Variants in NEXMIF observed in about 807,000 individuals in gnomAD.
The protein encoded by NEXMIF is XLMR protein related to neurite extension.
Under a neutral mutation model 62.1 loss-of-function variants are expected in NEXMIF, and 8 were observed. The ratio of observed to expected loss-of-function variants is 0.13; its 90% confidence interval spans 0.08 to 0.23. NEXMIF has a LOEUF of 0.23. Among genes scored for constraint, NEXMIF ranks in the 10% least tolerant of loss-of-function variants. NEXMIF has a pLI of 1.00. For synonymous variants in NEXMIF, 404 were observed against 416.6 expected (o/e 0.97, Z 0.37); for missense variants, 976 against 1,113.3 (o/e 0.88, Z 1.75).
intron 1 of NEXMIF, among the ~76,000 whole-genome samples, chrX:74,781,702 GA>G (rs892361072): frequency 3.9e-5 from 4 of 102,765 alleles, no homozygotes; most frequent in African/African-American, 1.0e-4. Context: ...GGAGGCCAGT[GA>G]TTTATGTGTA....
At chrX:74,802,692 T>A (rs766321830) in intron 1 of NEXMIF, among the ~76,000 whole-genome samples, 2 of 110,124 alleles carry the variant, frequency 1.8e-5, no homozygotes, top group South Asian at 7.9e-4. Flanking sequence ...CAGGAAAACA[T>A]AACCACACCA....
At chrX:74,744,930 C>CCTCTCTCTCTCTCTCT (rs749595584) in intron 2 of NEXMIF, among the ~76,000 whole-genome samples, 17 of 86,571 alleles carry the variant, frequency 2.0e-4, no homozygotes, top group South Asian at 1.5e-3. Flanking sequence ...TTCTCTCTCT[C>CCTCTCTCTCTCTCTCT]CTCTCTCTCT....
At chrX:74,913,230 T>C (rs1400985234) in intron 1 of NEXMIF, among the ~76,000 whole-genome samples, 1 of 111,484 alleles carries the variant, frequency 9.0e-6, no homozygotes, top group Non-Finnish European at 1.9e-5. Flanking sequence ...AAACGAAAAA[T>C]AGAAAGTCTC....
intron 1 of NEXMIF, among the ~76,000 whole-genome samples, chrX:74,864,031 A>C (rs1017792603): frequency 6.8e-4 from 77 of 112,511 alleles, no homozygotes; most frequent in African/African-American, 2.4e-3. Flanking sequence ...ATCTCAATAG[A>C]TGCAGAAAAG....
At chrX:74,803,059 A>C (rs1315622580) in intron 1 of NEXMIF, among the ~76,000 whole-genome samples, 1 of 111,144 alleles carries the variant, frequency 9.0e-6, no homozygotes, top group Non-Finnish European at 1.9e-5. Flanking sequence ...AAGCACACTT[A>C]CAAGATCTAG....
intron 1 of NEXMIF, among the ~76,000 whole-genome samples, chrX:74,910,023 G>A (rs1055798364): frequency 4.4e-5 from 5 of 112,656 alleles, no homozygotes; most frequent in African/African-American, 9.7e-5. Context: ...GAGCCCTCAC[G>A]GAGAACCTCT....
At chrX:74,853,802 C>A (rs907156325) in intron 1 of NEXMIF, among the ~76,000 whole-genome samples, 5 of 111,335 alleles carry the variant, frequency 4.5e-5, no homozygotes, top group African/African-American at 1.6e-4. Context: ...CTATTAAGAA[C>A]AACTATACAT....
intron 1 of NEXMIF, among the ~76,000 whole-genome samples, chrX:74,874,498 A>C (rs1306326372): frequency 2.7e-5 from 3 of 109,364 alleles, no homozygotes; most frequent in African/African-American, 1.0e-4. Context: ...TTCCATATGA[A>C]CTTTAAAGTA....
intron 1 of NEXMIF, among the ~76,000 whole-genome samples, chrX:74,872,830 A>G (rs753560984): frequency 9.1e-6 from 1 of 110,414 alleles, no homozygotes; most frequent in Middle Eastern, 4.3e-3. Flanking sequence ...AAATTTAAAA[A>G]TAAACAATTT....
chrX:74,848,084 CA>C (rs1363288596), intron 1 of NEXMIF, among the ~76,000 whole-genome samples: 1 of 111,372 alleles, frequency 9.0e-6, no homozygotes, highest in Non-Finnish European at 1.9e-5. Flanking sequence ...TTCCCATAGA[CA>C]AAAAAATCCC....
rs2080082850 is a variant in NEXMIF, at chrX:74,735,511, G to C, written c.*3894C>G. 8.9e-6 allele frequency: 1 copy of C among 111,803 alleles called. No individual in the cohort carries two copies. Among genetic ancestry groups the C allele is most frequent in the African/African-American group, 3.3e-5 (1 of 30,723 alleles). 9.2% of individuals were successfully genotyped at this position (111,803 alleles called of 1,213,427 possible). A position where few individuals can be genotyped will look rare whatever the true frequency, so the allele number is the denominator to read the frequency against. ...CACATAGGACTTAGGATGCTTGCTA[G>C]AGTTGTTTATAGCTTTTGAAGCATC... On this transcript the variant is annotated 3_prime_UTR_variant, in exon 4 of 4. Coordinates refer to ENST00000055682, the MANE Select transcript of NEXMIF (RefSeq NM_001008537.3).
chrX:74,811,591 G>A (rs2080360658), intron 1 of NEXMIF, among the ~76,000 whole-genome samples: 1 of 112,644 alleles, frequency 8.9e-6, no homozygotes, highest in Non-Finnish European at 1.9e-5. Flanking sequence ...CTGTCACACA[G>A]TCTAGACTGA....
At chrX:74,777,951 C>T (rs1371000926) in intron 1 of NEXMIF, among the ~76,000 whole-genome samples, 3 of 111,592 alleles carry the variant, frequency 2.7e-5, no homozygotes, top group Non-Finnish European at 3.8e-5. Context: ...CTATTGAATC[C>T]ACTGACCTCC....
intron 1 of NEXMIF, among the ~76,000 whole-genome samples, chrX:74,822,383 T>C (rs1384383475): frequency 8.9e-6 from 1 of 112,015 alleles, no homozygotes; most frequent in East Asian, 2.8e-4. Context: ...TTCAATAAGG[T>C]ATTTAAGAAA....
rs1346244989 is a variant in NEXMIF, at chrX:74,742,277, C to G, written c.2280G>C (p.Lys760Asn). 8.3e-7 allele frequency: 1 copy of G among 1,211,854 alleles called. No homozygotes were observed. ...LENQSSKANL[K>N]NEVIPGTSNS... Reference sequence around the variant, plus strand: ...TTGATGTCCCAGGAATAACTTCATTCTTTAAATTAGCCTTTGAGGATTGGT... The same window carrying G: ...TTGATGTCCCAGGAATAACTTCATTGTTTAAATTAGCCTTTGAGGATTGGT... The change falls in exon 3 of 4, where the codon AAG becomes AAC. Residue 760 changes from lysine to asparagine, a missense_variant. Lys to Asn is a moderately conservative substitution (Grantham distance 94). Transcript: ENST00000055682.
intron 1 of NEXMIF, among the ~76,000 whole-genome samples, chrX:74,881,763 C>T (rs1345446721): frequency 2.2e-5 from 2 of 92,533 alleles, no homozygotes; most frequent in African/African-American, 9.2e-5. Flanking sequence ...CTCCAATCAG[C>T]ATGTAAATTG....
intron 1 of NEXMIF, among the ~76,000 whole-genome samples, chrX:74,844,557 C>A (rs977794742): frequency 7.2e-5 from 8 of 111,249 alleles, no homozygotes; most frequent in African/African-American, 2.3e-4. Context: ...CCTGGCGAGC[C>A]TCATGAACAC....
At chrX:74,885,664 C>A (rs1307649512) in intron 1 of NEXMIF, among the ~76,000 whole-genome samples, 1 of 111,461 alleles carries the variant, frequency 9.0e-6, no homozygotes, top group Non-Finnish European at 1.9e-5. Context: ...AATAGCTTAC[C>A]AACCAAAAAA....
chrX:74,912,318 C>A lies in NEXMIF; in HGVS notation c.-48+12565G>T, dbSNP rs977122837. Among the ~76,000 whole-genome samples the A allele has an allele frequency of 2.7e-5, 3 of 111,445 alleles. No individual in the cohort carries two copies. The Admixed American group carries it at 2.9e-4, about 11-fold the overall frequency. ...ATGAATACCCTTTTCACAACTCACTCTTTTCTGTTAACGTTTCCTCAATCA... is the reference window on the plus strand; with the variant it reads ...ATGAATACCCTTTTCACAACTCACTATTTTCTGTTAACGTTTCCTCAATCA... On this transcript the variant is annotated intron_variant, in intron 1 of 3. Coordinates refer to ENST00000055682, the MANE Select transcript of NEXMIF (RefSeq NM_001008537.3).
Sources: allele counts gnomAD v4.1 joint callset (sites outside exome capture counted in the v4.1 genomes callset), GRCh38; gene constraint gnomAD v4.1.1; transcripts MANE v1.5; gene names NCBI Gene and HGNC (gene_info 2026-07-23, HGNC 2026-07-21).